KIAA0319L: variants seen among roughly 807,000 people sequenced by gnomAD.
KIAA0319L encodes KIAA0319 like, also known as dyslexia-associated protein KIAA0319-like protein.
Under a neutral mutation model 120.1 loss-of-function variants are expected in KIAA0319L, and 55 were observed. The observed-to-expected ratio is 0.46, with a 90% CI of 0.37 to 0.57. KIAA0319L has a LOEUF of 0.57. Ranked by LOEUF, KIAA0319L falls within the 20% of genes least tolerant of loss-of-function variation. The pLI, the probability that KIAA0319L is intolerant of heterozygous loss-of-function variation, is 0.00. For synonymous variants in KIAA0319L, 398 were observed against 471.9 expected (o/e 0.84, Z 2.03); for missense variants, 1,049 against 1,255.3 (o/e 0.84, Z 2.48).
At chr1:35,500,169 C>G (rs1644954125) in intron 3 of KIAA0319L, among the ~76,000 whole-genome samples, 1 of 152,218 alleles carries the variant, frequency 6.6e-6, no homozygotes, top group African/African-American at 2.4e-5. Context: ...GCAGGGATAC[C>G]TAAGTGGACT....
chr1:35,445,071 G>A (rs934370524), intron 16 of KIAA0319L, among the ~76,000 whole-genome samples: 1 of 152,164 alleles, frequency 6.6e-6, no homozygotes, highest in Non-Finnish European at 1.5e-5. Context: ...GTTTACAGGT[G>A]TGACCAAGAT....
chr1:35,466,566 G>T lies in KIAA0319L; in HGVS notation c.1201+42C>A, dbSNP rs755928608. On this transcript the variant is annotated intron_variant, in intron 7 of 20. Transcript: ENST00000325722. ...AAATCTCTATCTCCTCAGGAGTCCT[G>T]CAGAGGGAGGAAGGGAGACACAGCC... The T allele has an allele frequency of 3.0e-6, 4 of 1,342,142 alleles. No individual in the cohort carries two copies. In the Admixed American group the frequency reaches 6.7e-5, roughly 23 times the overall value. 83.1% of individuals were successfully genotyped at this position (1,342,142 alleles called of 1,614,324 possible).
intron 3 of KIAA0319L, among the ~76,000 whole-genome samples, chr1:35,498,792 T>C (rs1361682948): frequency 6.6e-6 from 1 of 152,202 alleles, no homozygotes; most frequent in Non-Finnish European, 1.5e-5. Context: ...TATCCTAGTT[T>C]CTACTTAATA....
At chr1:35,464,795 T>A (rs1034341379) in intron 7 of KIAA0319L, among the ~76,000 whole-genome samples, 15 of 152,198 alleles carry the variant, frequency 9.9e-5, no homozygotes, top group African/African-American at 3.6e-4. Context: ...CTCAGTGCTG[T>A]GTGCAGCCTA....
chr1:35,543,309 T>C (rs1429491502), intron 2 of KIAA0319L, among the ~76,000 whole-genome samples: 1 of 152,210 alleles, frequency 6.6e-6, no homozygotes, highest in East Asian at 1.9e-4. Flanking sequence ...TCCTACAGTC[T>C]GAGGAGACTG....
chr1:35,444,445 G>T, intron 16 of KIAA0319L, 142 bp from the exon 17 acceptor site: 1 of 756,352 alleles, frequency 1.3e-6, no homozygotes, highest in Non-Finnish European at 2.0e-6. Context: ...CAGTGAGAAA[G>T]GTGTTATCAG....
chr1:35,554,442 G>C lies in KIAA0319L; in HGVS notation c.50C>G (p.Ser17Ter), dbSNP rs776599568. The change falls in exon 2 of 21, where the codon TCA becomes TGA. Residue 17 changes from serine (S) to a stop codon, truncating the protein, a stop_gained. Transcript: ENST00000325722. LOFTEE classifies it high-confidence loss of function. ...CGCAGATGTCTGCCAATAATATCCT[G>C]ATAAAATCCAGGAAGCAGGATTTGG... is the stretch of plus-strand genomic sequence containing the variant. ...VKPNPASWIL[S>*]GYYWQTSAKW... 6.2e-7 allele frequency: 1 copy of C among 1,613,018 alleles called. No homozygotes were observed. Among genetic ancestry groups the C allele is most frequent in the African/African-American group, 1.3e-5 (1 of 75,002 alleles).
In KIAA0319L at chr1:35,450,521, G is replaced by GA; in HGVS notation, c.2063-13dup. On this transcript the variant is annotated splice_polypyrimidine_tract_variant and intron_variant, in intron 13 of 20. Transcript: ENST00000325722. ...TGGTTTGTTTATTTCTAATCAAAAA[G>GA]AAATCATTGACATAATGTGACATTC... 1 of 1,600,640 alleles carries GA rather than the reference G, an allele frequency of 6.2e-7. No homozygotes were observed. Among genetic ancestry groups the GA allele is most frequent in the South Asian group, 1.1e-5 (1 of 89,782 alleles).
rs551896840 is a variant in KIAA0319L, at chr1:35,539,215, A to T, written c.142+15135T>A. On this transcript the variant is annotated intron_variant, in intron 2 of 20. Coordinates refer to ENST00000325722, the MANE Select transcript of KIAA0319L (RefSeq NM_024874.5). ...AGGTAGCAACCCCCACATGAAATACAAAAGAGTGGAGGCGAAACAGCTCAA... is the reference window on the plus strand; with the variant it reads ...AGGTAGCAACCCCCACATGAAATACTAAAGAGTGGAGGCGAAACAGCTCAA... Among the ~76,000 whole-genome samples, 30 of 152,320 alleles carry T rather than the reference A, an allele frequency of 2.0e-4. No homozygotes were observed. In the East Asian group the frequency reaches 5.4e-3, roughly 27 times the overall value.
At chr1:35,487,594 G>A (rs1213325113) in intron 3 of KIAA0319L, among the ~76,000 whole-genome samples, 1 of 152,154 alleles carries the variant, frequency 6.6e-6, no homozygotes, top group Non-Finnish European at 1.5e-5. Context: ...CAAGAATTTG[G>A]CCAGAGATTT....
intron 17 of KIAA0319L, 41 bp downstream of exon 17, chr1:35,444,120 A>G: frequency 6.5e-7 from 1 of 1,536,014 alleles, no homozygotes; most frequent in Non-Finnish European, 8.8e-7. Flanking sequence ...AGCTGCAGGC[A>G]CTAGGTAGGC....
chr1:35,437,257 G>A lies in KIAA0319L; in HGVS notation c.2963-2176C>T, dbSNP rs1034192429. Reference sequence around the variant, plus strand: ...CGCGGCACTTCTCCGGGCCATCACCGCCCGTTTCTCCCCTCCTGCCTCAGA... The same window carrying A: ...CGCGGCACTTCTCCGGGCCATCACCACCCGTTTCTCCCCTCCTGCCTCAGA... On this transcript the variant is annotated intron_variant, in intron 20 of 20. Coordinates refer to ENST00000325722, the MANE Select transcript of KIAA0319L (RefSeq NM_024874.5). This position sits in a 1 kb window ranked among gnomAD's most constrained non-coding sequence, Gnocchi z 4.1. 1.3e-5 allele frequency among the ~76,000 whole-genome samples: 2 copies of A among 152,088 alleles called. No homozygotes were observed. Among genetic ancestry groups the A allele is most frequent in the Non-Finnish European group, 2.9e-5 (2 of 68,010 alleles).
At position 35,434,890 on chromosome 1, in the gene KIAA0319L, G is replaced by C. The variant is rs762519844; in HGVS notation, c.*4C>G. ...GCCCTGCCCTGAGGAGACAGACCAG[G>C]TGGCTACAGGATCTCCTCCCGCGGG... On this transcript the variant is annotated 3_prime_UTR_variant, in exon 21 of 21. Transcript: ENST00000325722. 1.9e-6 allele frequency: 3 copies of C among 1,611,666 alleles called. No individual in the cohort carries two copies. In the East Asian group the frequency reaches 6.7e-5, roughly 36 times the overall value.
At chr1:35,515,814 AAAG>A (rs1645656108) in intron 2 of KIAA0319L, among the ~76,000 whole-genome samples, 1 of 152,192 alleles carries the variant, frequency 6.6e-6, no homozygotes, top group Non-Finnish European at 1.5e-5. Context: ...CTAAACTAAT[AAAG>A]AAGAAAAAGA....
chr1:35,435,310 G>T, intron 20 of KIAA0319L: 2 of 475,298 alleles, frequency 4.2e-6, no homozygotes, highest in South Asian at 3.6e-5. Context: ...CACACCTGGG[G>T]TCTCCTGCTG....
At chr1:35,525,729 A>G (rs1039548795) in intron 2 of KIAA0319L, among the ~76,000 whole-genome samples, 1 of 152,176 alleles carries the variant, frequency 6.6e-6, no homozygotes, top group African/African-American at 2.4e-5. Context: ...TGTATTATGG[A>G]TATTAGTCCC....
intron 2 of KIAA0319L, among the ~76,000 whole-genome samples, chr1:35,530,131 G>T (rs1646306705): frequency 6.6e-6 from 1 of 151,276 alleles, no homozygotes; most frequent in Non-Finnish European, 1.5e-5. Context: ...AGCCTCACAG[G>T]TTCAAGCAAT....
chr1:35,450,397 G>A lies in KIAA0319L; in HGVS notation c.2175C>T (p.Ser725=). Residue 725 remains serine (S), a synonymous_variant, in exon 14 of 21, where the codon AGC becomes AGT. Transcript: ENST00000325722. The part of the protein sequence containing the change: ...SKSSDDKGIV[S]YLWTRDEGSP... ...TCCCCTCATCTCGAGTCCAGAGGTA[G>A]CTGACTATTCCCTTGTCATCTGAGG... is the stretch of plus-strand genomic sequence containing the variant. 3.7e-6 allele frequency: 6 copies of A among 1,614,118 alleles called. No homozygotes were observed. The highest frequency in any genetic ancestry group is 5.1e-6 in the Non-Finnish European group (6 of 1,179,998).
chr1:35,491,620 T>C (rs1458896203), intron 3 of KIAA0319L, among the ~76,000 whole-genome samples: 1 of 152,074 alleles, frequency 6.6e-6, no homozygotes, highest in African/African-American at 2.4e-5. Flanking sequence ...ATATTAAATG[T>C]AATATTTTAA....
Sources: allele counts gnomAD v4.1 joint callset (sites outside exome capture counted in the v4.1 genomes callset), GRCh38; gene constraint gnomAD v4.1.1; non-coding constraint Gnocchi (gnomAD v3.1); transcripts MANE v1.5; gene names NCBI Gene and HGNC (gene_info 2026-07-23, HGNC 2026-07-21).